SND1: variants seen among roughly 807,000 people sequenced by gnomAD.
The protein encoded by SND1 is staphylococcal nuclease domain-containing protein 1.
Under a neutral mutation model 121.7 loss-of-function variants are expected in SND1, and 38 were observed. The ratio of observed to expected loss-of-function variants is 0.31; its 90% CI spans 0.24 to 0.41. SND1 has a LOEUF of 0.41. Ranked by LOEUF, SND1 falls within the 10% of genes least tolerant of loss-of-function variation. The pLI, the probability that SND1 is intolerant of heterozygous loss-of-function variation, is 1.00. For missense variants in SND1, 868 were observed against 1,184.6 expected (o/e 0.73, Z 3.92); for synonymous variants, 401 against 447.4 (o/e 0.90, Z 1.31).
intron 16 of SND1, among the ~76,000 whole-genome samples, chr7:128,012,109 A>C (rs896860009): frequency 2.0e-5 from 3 of 152,214 alleles, no homozygotes; most frequent in Non-Finnish European, 2.9e-5. Context: ...AATTTGGATC[A>C]CCATGCCCTA....
rs538769499 is a variant in SND1, at chr7:127,893,317, G to A, written c.1454+5305G>A. Among the ~76,000 whole-genome samples, 11 of 152,184 alleles carry A rather than the reference G, an allele frequency of 7.2e-5. No homozygotes were observed. The South Asian group carries it at 1.9e-3, about 26-fold the overall frequency. On this transcript the variant is annotated intron_variant, in intron 13 of 23. Coordinates refer to ENST00000354725, the MANE Select transcript of SND1 (RefSeq NM_014390.4). ...TACAAGTTGGTAATGTTTAGAGTCCGATCAAAACGTGGCTGTGTGCTATGT... is the reference window on the plus strand; with the variant it reads ...TACAAGTTGGTAATGTTTAGAGTCCAATCAAAACGTGGCTGTGTGCTATGT...
At chr7:127,986,472 A>G (rs963653567) in intron 15 of SND1, among the ~76,000 whole-genome samples, 1 of 152,240 alleles carries the variant, frequency 6.6e-6, no homozygotes, top group Non-Finnish European at 1.5e-5. Flanking sequence ...GATAAGTTTA[A>G]TATTCTATCA....
At chr7:128,042,025 G>T (rs1285641809) in intron 16 of SND1, among the ~76,000 whole-genome samples, 1 of 152,144 alleles carries the variant, frequency 6.6e-6, no homozygotes, top group East Asian at 1.9e-4. Flanking sequence ...GATCTGAGGG[G>T]TCTCCTACCA....
chr7:127,666,088 T>C (rs1175250575), intron 1 of SND1, among the ~76,000 whole-genome samples: 1 of 152,188 alleles, frequency 6.6e-6, no homozygotes, highest in Non-Finnish European at 1.5e-5. Flanking sequence ...CTGAGTTATC[T>C]TGTTAAGCTG....
At chr7:127,852,776 ACTCTAGCCTGGGTGACAGAG>A (rs1799194401) in intron 12 of SND1, among the ~76,000 whole-genome samples, 1 of 151,724 alleles carries the variant, frequency 6.6e-6, no homozygotes, top group Admixed American at 6.6e-5. Context: ...ACGCCACTGC[ACTCTAGCCTGGGTGACAGAG>A]CGAGACTTGG....
At chr7:127,699,409 AAATT>A (rs1202054745) in intron 4 of SND1, among the ~76,000 whole-genome samples, 16 of 152,210 alleles carry the variant, frequency 1.1e-4, no homozygotes, top group African/African-American at 3.6e-4. Flanking sequence ...AGTGCAGTCA[AAATT>A]AAGGGGGTGA....
At chr7:127,767,017 C>G (rs1797434859) in intron 10 of SND1, among the ~76,000 whole-genome samples, 1 of 151,510 alleles carries the variant, frequency 6.6e-6, no homozygotes, top group African/African-American at 2.4e-5. Flanking sequence ...ACTGTGGCAC[C>G]CTAGATGTTT....
rs1345215447 is a variant in SND1 at position 127,963,404 on chromosome 7, CT to C, written c.1670-27542del. On this transcript the variant is annotated intron_variant, in intron 15 of 23. Coordinates refer to ENST00000354725, the MANE Select transcript of SND1 (RefSeq NM_014390.4). ...TATCTCCCAATGCTATCCCTCCCCC[CT>C]CCCCGCCGCCACCACAGTCCCCAGA... is the stretch of plus-strand genomic sequence containing the variant. Among the ~76,000 whole-genome samples, 7 of 141,918 alleles carry C rather than the reference CT, an allele frequency of 4.9e-5. No individual in the cohort carries two copies. The East Asian group carries it at 1.5e-3, about 30-fold the overall frequency. 93.1% of individuals were successfully genotyped at this position (141,918 alleles called of 152,430 possible). A position where few individuals can be genotyped will look rare whatever the true frequency, so the allele number is the denominator to read the frequency against.
intron 12 of SND1, among the ~76,000 whole-genome samples, chr7:127,876,959 A>G (rs755552458): frequency 6.6e-6 from 1 of 152,102 alleles, no homozygotes; most frequent in Non-Finnish European, 1.5e-5. Context: ...AAAATATTAG[A>G]TATTTGAAGA....
chr7:127,694,828 C>T lies in SND1; in HGVS notation c.229C>T (p.Pro77Ser). 1.9e-6 allele frequency: 3 copies of T among 1,613,746 alleles called. No homozygotes were observed. Among genetic ancestry groups the T allele is most frequent in the Non-Finnish European group, 2.5e-6 (3 of 1,179,802 alleles). ...GTGACATATTTGTTTTGTCTTTCAGCCCTGGGCATTTCCAGCTCGAGAGTT... is the reference window on the plus strand; with the variant it reads ...GTGACATATTTGTTTTGTCTTTCAGTCCTGGGCATTTCCAGCTCGAGAGTT... ...QPDAKDTPDE[P>S]WAFPAREFLR... is the part of the protein sequence containing the mutation. The change falls in exon 3 of 24, where the codon CCC (proline) becomes TCC (serine). Residue 77 changes from proline to serine, a missense_variant and splice_region_variant. This residue lies in a region of SND1 where 125 missense variants were observed against 113.3 expected (regional missense o/e 1.10). Transcript: ENST00000354725.
At chr7:127,794,976 C>G (rs917776217) in intron 10 of SND1, among the ~76,000 whole-genome samples, 2 of 152,206 alleles carry the variant, frequency 1.3e-5, no homozygotes, top group Admixed American at 6.5e-5. Flanking sequence ...AACCTTTAGA[C>G]CTGCTTTTGT....
intron 16 of SND1, chr7:127,999,877 G>T (rs1280691602): frequency 6.6e-6 from 1 of 152,142 alleles, no homozygotes; most frequent in Non-Finnish European, 1.5e-5. Context: ...TAGGGCCTAT[G>T]ACCTAGAATA....
chr7:127,694,034 T>C (rs1042497502), intron 2 of SND1, among the ~76,000 whole-genome samples: 1 of 152,180 alleles, frequency 6.6e-6, no homozygotes, highest in East Asian at 1.9e-4. Flanking sequence ...TGTCTGTGCA[T>C]GGAACGGTGA....
intron 18 of SND1, chr7:128,081,793 C>A: frequency 1.7e-6 from 1 of 599,568 alleles, no homozygotes; most frequent in Non-Finnish European, 3.3e-6. Flanking sequence ...CTGGGTGGAG[C>A]TCTGAGTCTC....
intron 15 of SND1, among the ~76,000 whole-genome samples, chr7:127,969,299 C>G (rs1017345493): frequency 6.6e-6 from 1 of 152,178 alleles, no homozygotes; most frequent in Admixed American, 6.5e-5. Flanking sequence ...AGCTAGCCCG[C>G]TTTCTGTCCC....
intron 14 of SND1, among the ~76,000 whole-genome samples, chr7:127,926,720 T>TTGTTG (rs1554443863): frequency 0.088 from 12,541 of 142,790 alleles, 730 homozygotes; most frequent in Middle Eastern, 0.17. Context: ...ACCCGGCTAT[T>TTGTTG]TTGTTGTTGT....
intron 16 of SND1, among the ~76,000 whole-genome samples, chr7:128,043,550 T>A (rs1792892255): frequency 6.6e-6 from 1 of 151,598 alleles, no homozygotes. Flanking sequence ...TCTAGCTGGG[T>A]GACAGAGGGA....
At chr7:127,977,585 TG>T (rs1189716407) in intron 15 of SND1, among the ~76,000 whole-genome samples, 1 of 152,172 alleles carries the variant, frequency 6.6e-6, no homozygotes, top group Non-Finnish European at 1.5e-5. Context: ...TAGATTAAGC[TG>T]GTAGTGTGTA....
intron 11 of SND1, among the ~76,000 whole-genome samples, chr7:127,838,482 A>T (rs1334126213): frequency 6.6e-6 from 1 of 152,252 alleles, no homozygotes; most frequent in Non-Finnish European, 1.5e-5. Context: ...GTAAGGCAAG[A>T]AGTATCCTGC....
Sources: gnomAD v4.1 joint callset for allele counts (sites outside exome capture counted in the v4.1 genomes callset) on GRCh38, gnomAD v4.1.1 for gene constraint, gnomAD v4.1.1 regional missense constraint, MANE v1.5 for transcripts, NCBI Gene and HGNC (gene_info 2026-07-23, HGNC 2026-07-21) for gene names.